MOSPD2: variants seen among roughly 807,000 people sequenced by gnomAD.
MOSPD2 encodes the protein motile sperm domain-containing protein 2.
In MOSPD2, 5 loss-of-function variants were observed where a neutral mutation model predicts 41.7. That is an observed-to-expected ratio of 0.12 (90% CI 0.06 to 0.25). MOSPD2 has a LOEUF of 0.25. Among genes scored for constraint, MOSPD2 ranks in the 10% least tolerant of loss-of-function variants. MOSPD2 has a pLI of 1.00. For missense variants in MOSPD2, 282 were observed against 375.2 expected (o/e 0.75, Z 2.05); for synonymous variants, 115 against 126.9 (o/e 0.91, Z 0.63).
chrX:14,892,852 A>G lies in MOSPD2; in HGVS notation c.209A>G (p.Gln70Arg). The G allele has an allele frequency of 8.3e-7, 1 of 1,206,616 alleles. No homozygotes were observed. The highest frequency in any genetic ancestry group is 1.7e-5 in the African/African-American group (1 of 57,750). The stretch of plus-strand genomic sequence containing the variant: ...CTGAAGATGCTCGATGAGAGTTTTC[A>G]GTGGAGGAAAGAAATTTCTGTCAAT... ...ETLKMLDESF[Q>R]WRKEISVNDL... The change falls in exon 3 of 15, where the codon CAG (glutamine) becomes CGG (arginine). Residue 70 changes from glutamine (Q) to arginine (R), a missense_variant. By Grantham distance (43) the Gln-to-Arg change is conservative. Around this residue, in one of 3 missense-constraint regions of MOSPD2, gnomAD observed 187 missense variants for 256.6 expected, o/e 0.73. Transcript: ENST00000380492.
rs775166629 is a variant in MOSPD2, at chrX:14,888,206, GCACACA to G, written c.80-4479_80-4474del. ...ATTGGGAGAATATATACACACACAC[GCACACA>G]CACACACACACACACACACACACAC... On this transcript the variant is annotated intron_variant, in intron 2 of 14. Coordinates refer to ENST00000380492, the MANE Select transcript of MOSPD2 (RefSeq NM_152581.4). 9.1e-3 allele frequency among the ~76,000 whole-genome samples: 516 copies of G among 56,762 alleles called. 3 individuals are homozygous for G. The highest frequency in any genetic ancestry group is 0.013 in the African/African-American group (265 of 20,458). The allele number at this position is 56,762 out of a possible 115,157, so 49.3% of individuals were successfully genotyped here. A position where few individuals can be genotyped will look rare whatever the true frequency, so the allele number is the denominator to read the frequency against.
At chrX:14,894,422 T>G (rs968789238) in intron 3 of MOSPD2, among the ~76,000 whole-genome samples, 6 of 106,126 alleles carry the variant, frequency 5.7e-5, no homozygotes, top group Non-Finnish European at 1.2e-4. Context: ...GTGCACGCCA[T>G]TCTCCTGCCT....
chrX:14,884,658 A>T (rs897514987), intron 2 of MOSPD2, among the ~76,000 whole-genome samples: 3 of 111,886 alleles, frequency 2.7e-5, no homozygotes, highest in Admixed American at 1.9e-4. Context: ...TTAGATTTTT[A>T]AAGATCTTAA....
chrX:14,875,647 C>T (rs954004644), intron 2 of MOSPD2, among the ~76,000 whole-genome samples: 17 of 111,886 alleles, frequency 1.5e-4, no homozygotes, highest in African/African-American at 4.2e-4. Flanking sequence ...TGAAAAACCA[C>T]GACTAGCCAC....
At chrX:14,896,067 C>A (rs1326186926) in intron 4 of MOSPD2, among the ~76,000 whole-genome samples, 2 of 110,879 alleles carry the variant, frequency 1.8e-5, no homozygotes, top group Admixed American at 9.6e-5. Context: ...TCTCATTTTT[C>A]TTCTTCCACC....
intron 6 of MOSPD2, among the ~76,000 whole-genome samples, chrX:14,902,730 T>C (rs1216465109): frequency 8.9e-6 from 1 of 112,047 alleles, no homozygotes; most frequent in Non-Finnish European, 1.9e-5. Context: ...CAGTGCACTA[T>C]TGATTTCCCA....
Position 14,912,292 on chromosome X carries a change from A to C in MOSPD2, c.923A>C (p.Lys308Thr). 2 of 1,194,856 alleles carry C rather than the reference A, an allele frequency of 1.7e-6. No homozygotes were observed. The highest frequency in any genetic ancestry group is 2.3e-6 in the Non-Finnish European group (2 of 888,459). Reference sequence around the variant, plus strand: ...ACTTCCAAAGCAGAAGAAAATGAAAAAGTTGATTCAAAAGTGAAAGCTTTC... The same window carrying C: ...ACTTCCAAAGCAGAAGAAAATGAAACAGTTGATTCAAAAGTGAAAGCTTTC... ...ESTSKAEENE[K>T]VDSKVKAFKK... The change falls in exon 10 of 15, where the codon AAA becomes ACA. Residue 308 changes from lysine to threonine, a missense_variant. Coordinates refer to ENST00000380492, the MANE Select transcript of MOSPD2 (RefSeq NM_152581.4).
chrX:14,918,361 T>C (rs888788266), intron 13 of MOSPD2, among the ~76,000 whole-genome samples: 2 of 111,954 alleles, frequency 1.8e-5, no homozygotes. Context: ...GGAAAGTACC[T>C]TTCTCCTATC....
intron 2 of MOSPD2, among the ~76,000 whole-genome samples, chrX:14,889,547 C>T (rs1037863101): frequency 9.4e-6 from 1 of 106,624 alleles, no homozygotes; most frequent in Non-Finnish European, 1.9e-5. Context: ...TCAACCCTCT[C>T]CTCTGTCCCA....
intron 7 of MOSPD2, among the ~76,000 whole-genome samples, chrX:14,903,757 T>G (rs1028871631): frequency 2.7e-5 from 3 of 111,759 alleles, no homozygotes; most frequent in Admixed American, 1.9e-4. Context: ...TGCAACACAA[T>G]TGACAAACCT....
intron 12 of MOSPD2, 56 bp downstream of exon 12, chrX:14,915,820 C>T (rs2092599376): frequency 1.0e-6 from 1 of 991,101 alleles, no homozygotes; most frequent in Non-Finnish European, 1.4e-6. Context: ...GGTAAGGGGA[C>T]CTGGACCTTG....
chrX:14,900,544 GA>G (rs764003832), intron 5 of MOSPD2, 30 bp from the exon 6 acceptor site: 2 of 848,834 alleles, frequency 2.4e-6, no homozygotes, highest in East Asian at 6.8e-5. Context: ...CTCTAATGTG[GA>G]CAGTCTTAAA....
chrX:14,901,686 T>C (rs2092573431), intron 6 of MOSPD2, among the ~76,000 whole-genome samples: 1 of 110,446 alleles, frequency 9.1e-6, no homozygotes, highest in South Asian at 3.8e-4. Flanking sequence ...GTATCTGGCA[T>C]GTACCCTGAT....
At chrX:14,888,195 T>TACAC (rs773623825) in intron 2 of MOSPD2, among the ~76,000 whole-genome samples, 2,612 of 88,702 alleles carry the variant, frequency 0.029, 53 homozygotes, top group Admixed American at 0.041. Context: ...GGAGAATATA[T>TACAC]ACACACACAC....
intron 2 of MOSPD2, among the ~76,000 whole-genome samples, chrX:14,892,515 C>A (rs753660047): frequency 9.0e-6 from 1 of 111,705 alleles, no homozygotes; most frequent in Non-Finnish European, 1.9e-5. Flanking sequence ...CAGATTTCAA[C>A]AAGAGACTTG....
chrX:14,909,125 A>G, intron 8 of MOSPD2, 141 bp downstream of exon 8: 1 of 399,608 alleles, frequency 2.5e-6, no homozygotes, highest in Non-Finnish European at 3.8e-6. Context: ...AAGTAGTGTT[A>G]CACACATTTT....
At chrX:14,888,195 T>TAC (rs773623825) in intron 2 of MOSPD2, among the ~76,000 whole-genome samples, 133 of 88,773 alleles carry the variant, frequency 1.5e-3, no homozygotes, top group African/African-American at 5.4e-3. Context: ...GGAGAATATA[T>TAC]ACACACACAC....
In MOSPD2 at chrX:14,920,028, AAAGT is replaced by A; in HGVS notation, c.*226_*229del. 2 of 866,895 alleles carry A rather than the reference AAAGT, an allele frequency of 2.3e-6. No individual in the cohort carries two copies. Among genetic ancestry groups the A allele is most frequent in the Non-Finnish European group, 2.9e-6 (2 of 699,190 alleles). 71.4% of individuals were successfully genotyped at this position (866,895 alleles called of 1,213,427 possible). A position where few individuals can be genotyped will look rare whatever the true frequency, so the allele number is the denominator to read the frequency against. On this transcript the variant is annotated 3_prime_UTR_variant, in exon 15 of 15. Coordinates refer to ENST00000380492, the MANE Select transcript of MOSPD2 (RefSeq NM_152581.4). ...TTATAAGAGACTATAGCTATTTAGT[AAAGT>A]AAGTAAAGGCATATCCATTGTGTAA...
rs1176869543 is a variant in MOSPD2 at position 14,919,807 on chromosome X, TAAA to T, written c.1556_*1del. On this transcript the variant is annotated stop_retained_variant and 3_prime_UTR_variant, in exon 15 of 15. Transcript: ENST00000380492. The stretch of plus-strand genomic sequence containing the variant: ...CTCTTTCTTCTATTTATTGTACAGT[TAAA>T]GAAGTGGTGCCGGGTAGGAACCACG... 6 of 1,200,165 alleles carry T rather than the reference TAAA, an allele frequency of 5.0e-6. No individual in the cohort carries two copies. In the East Asian group the frequency reaches 1.8e-4, roughly 36 times the overall value.
Sources: gnomAD v4.1 joint callset for allele counts (sites outside exome capture counted in the v4.1 genomes callset) on GRCh38, gnomAD v4.1.1 for gene constraint, gnomAD v4.1.1 regional missense constraint, MANE v1.5 for transcripts, NCBI Gene and HGNC (gene_info 2026-07-23, HGNC 2026-07-21) for gene names.